The following ADGRB3 variants were observed in gnomAD, a reference collection of about 807,000 sequenced individuals.
The protein encoded by ADGRB3 is adhesion G protein-coupled receptor B3.
In ADGRB3, 37 loss-of-function variants were observed where a neutral mutation model predicts 193.4. The observed-to-expected ratio is 0.19, with a 90% CI of 0.15 to 0.25. ADGRB3 has a LOEUF of 0.25. ADGRB3 is among the 10% of genes least tolerant of loss of function. The pLI, the probability that ADGRB3 is intolerant of heterozygous loss-of-function variation, is 1.00. For synonymous variants in ADGRB3, 690 were observed against 644.2 expected, an observed-to-expected ratio of 1.07 and a Z score of -1.08; for missense variants, 1,637 against 1,852.9, an observed-to-expected ratio of 0.88 and a Z score of 2.14.
At chr6:68,798,572 T>C (rs1767255732) in intron 3 of ADGRB3, among the ~76,000 whole-genome samples, 1 of 151,964 alleles carries the variant, frequency 6.6e-6, no homozygotes, top group Non-Finnish European at 1.5e-5. Flanking sequence ...TTAGGAGAAA[T>C]ACCTAATGTA....
chr6:69,165,005 T>G (rs1012712385), intron 17 of ADGRB3, among the ~76,000 whole-genome samples: 1 of 151,884 alleles, frequency 6.6e-6, no homozygotes, highest in African/African-American at 2.4e-5. Flanking sequence ...CCTCAGACCT[T>G]TATTCTGCCT....
At position 69,360,962 on chromosome 6, in the gene ADGRB3, C is replaced by A. The variant is rs1359039124; in HGVS notation, c.3689C>A (p.Thr1230Lys). Residue 1230 changes from threonine to lysine, a missense_variant, in exon 29 of 32, where the codon ACA (threonine) becomes AAA (lysine). Coordinates refer to ENST00000370598, the MANE Select transcript of ADGRB3 (RefSeq NM_001704.3). ...AATGATGATGAAGAAGAAAAGGGAA[C>A]AAACCCTGAAGGGCTAAGCTATTCA... ...SLNDDEEEKG[T>K]NPEGLSYSTL... 3 of 1,612,512 alleles carry A rather than the reference C, an allele frequency of 1.9e-6. No individual in the cohort carries two copies. In the African/African-American group the frequency reaches 4.0e-5, roughly 22 times the overall value.
intron 17 of ADGRB3, among the ~76,000 whole-genome samples, chr6:69,101,116 C>G (rs182664253): frequency 6.6e-6 from 1 of 151,840 alleles, no homozygotes; most frequent in Non-Finnish European, 1.5e-5. Flanking sequence ...ATTAAGAACA[C>G]TTAACCTTAC....
intron 17 of ADGRB3, among the ~76,000 whole-genome samples, chr6:69,116,352 C>A: frequency 6.6e-6 from 1 of 152,280 alleles, no homozygotes; most frequent in East Asian, 1.9e-4. Context: ...CTAAACACTG[C>A]GCCCACACAC....
At chr6:69,232,743 CT>C in intron 17 of ADGRB3, 1 of 899,736 alleles carries the variant, frequency 1.1e-6, no homozygotes, top group Non-Finnish European at 1.7e-6. Flanking sequence ...AGCAGCTATT[CT>C]AAAAGGAGGA....
At chr6:69,236,793 G>C (rs1197817102) in intron 19 of ADGRB3, among the ~76,000 whole-genome samples, 1 of 151,904 alleles carries the variant, frequency 6.6e-6, no homozygotes, top group Non-Finnish European at 1.5e-5. Flanking sequence ...CCATAATAAA[G>C]TTTTCTTTAA....
chr6:68,857,687 T>C (rs1765026972), intron 3 of ADGRB3, among the ~76,000 whole-genome samples: 1 of 152,196 alleles, frequency 6.6e-6, no homozygotes, highest in Non-Finnish European at 1.5e-5. Flanking sequence ...TGTGGACTTT[T>C]TGAATTAATG....
intron 20 of ADGRB3, among the ~76,000 whole-genome samples, chr6:69,324,629 G>A (rs371376581): frequency 6.6e-6 from 1 of 151,738 alleles, no homozygotes; most frequent in Non-Finnish European, 1.5e-5. Context: ...TTACATTCAG[G>A]GTTCTTCTCA....
At chr6:69,063,800 T>C (rs1377269783) in intron 16 of ADGRB3, among the ~76,000 whole-genome samples, 1 of 152,064 alleles carries the variant, frequency 6.6e-6, no homozygotes, top group Non-Finnish European at 1.5e-5. Flanking sequence ...GTCTACTTAT[T>C]ATTTAAATAT....
At chr6:69,264,836 C>G (rs117199689) in intron 20 of ADGRB3, among the ~76,000 whole-genome samples, 1 of 151,890 alleles carries the variant, frequency 6.6e-6, no homozygotes, top group South Asian at 2.1e-4. Flanking sequence ...CTACAATACT[C>G]TCAGGGTTTT....
chr6:69,244,657 C>T (rs1324038785), intron 20 of ADGRB3, among the ~76,000 whole-genome samples: 1 of 152,066 alleles, frequency 6.6e-6, no homozygotes, highest in Non-Finnish European at 1.5e-5. Context: ...ATATCAGTCT[C>T]AGATGGGGAT....
intron 20 of ADGRB3, among the ~76,000 whole-genome samples, chr6:69,269,307 G>A (rs1767120113): frequency 2.0e-5 from 3 of 151,924 alleles, no homozygotes; most frequent in African/African-American, 7.3e-5. Context: ...ATTGAAAACA[G>A]GTGTTTTTTG....
intron 17 of ADGRB3, among the ~76,000 whole-genome samples, chr6:69,181,485 T>C (rs529720685): frequency 1.3e-5 from 2 of 152,290 alleles, no homozygotes; most frequent in Middle Eastern, 3.4e-3. Flanking sequence ...TCTGAGACGG[T>C]AAGACATATA....
intron 20 of ADGRB3, among the ~76,000 whole-genome samples, chr6:69,292,257 T>A (rs895180501): frequency 6.6e-6 from 1 of 151,362 alleles, no homozygotes; most frequent in Non-Finnish European, 1.5e-5. Context: ...TAGAAAGATA[T>A]TTTTTTTTCT....
At chr6:68,807,038 A>T (rs889413475) in intron 3 of ADGRB3, among the ~76,000 whole-genome samples, 1 of 152,170 alleles carries the variant, frequency 6.6e-6, no homozygotes, top group Non-Finnish European at 1.5e-5. Flanking sequence ...ATGATGTAAC[A>T]CAACTTAACT....
Position 68,956,202 on chromosome 6 carries a change from C to G in ADGRB3, c.1360+14C>G. 6.3e-7 allele frequency: 1 copy of G among 1,592,922 alleles called. No homozygotes were observed. Among genetic ancestry groups the G allele is most frequent in the Non-Finnish European group, 8.6e-7 (1 of 1,166,836 alleles). Reference sequence around the variant, plus strand: ...CTGAATGTACAGGTAGGGCTTGATTCCTGCATATCATGGGCACTCGTACCA... The same window carrying G: ...CTGAATGTACAGGTAGGGCTTGATTGCTGCATATCATGGGCACTCGTACCA... On this transcript the variant is annotated intron_variant, in intron 7 of 31. Coordinates refer to ENST00000370598, the MANE Select transcript of ADGRB3 (RefSeq NM_001704.3).
intron 3 of ADGRB3, among the ~76,000 whole-genome samples, chr6:68,782,901 C>T (rs1766884990): frequency 1.3e-5 from 2 of 151,752 alleles, no homozygotes; most frequent in African/African-American, 4.8e-5. Flanking sequence ...TAAGTATACT[C>T]ATTTTTATAG....
At chr6:69,374,743 C>T (rs1769778181) in intron 30 of ADGRB3, among the ~76,000 whole-genome samples, 1 of 151,914 alleles carries the variant, frequency 6.6e-6, no homozygotes, top group African/African-American at 2.4e-5. Context: ...AATTGTATGC[C>T]CACCTCCAGA....
chr6:68,772,894 A>AAAAAAAATATAT (rs1466813173), intron 3 of ADGRB3, among the ~76,000 whole-genome samples: 1 of 22,892 alleles, frequency 4.4e-5, no homozygotes, highest in African/African-American at 2.0e-4. Flanking sequence ...AAAAAAAAAA[A>AAAAAAAATATAT]ATATATATAT....
Sources: gnomAD v4.1 joint callset for allele counts (sites outside exome capture counted in the v4.1 genomes callset) on GRCh38, gnomAD v4.1.1 for gene constraint, MANE v1.5 for transcripts, NCBI Gene and HGNC (gene_info 2026-07-23, HGNC 2026-07-21) for gene names.